PLA2R1: variants seen among roughly 807,000 people sequenced by gnomAD.
The protein encoded by PLA2R1 is secretory phospholipase A2 receptor.
Under a neutral mutation model 195.9 loss-of-function variants are expected in PLA2R1, and 158 were observed. The observed-to-expected ratio is 0.81, with a 90% CI of 0.71 to 0.92. PLA2R1 has a LOEUF of 0.92. PLA2R1 is among the 40% of genes least tolerant of loss of function. PLA2R1 has a pLI of 0.00. For synonymous variants in PLA2R1, 586 were observed against 598.2 expected (o/e 0.98, Z 0.30); for missense variants, 1,626 against 1,764.6 (o/e 0.92, Z 1.41).
Position 160,013,695 on chromosome 2 carries a change from CTCTCTCTG to C in PLA2R1, c.1552-328_1552-321del, listed in dbSNP as rs750857574. Among the ~76,000 whole-genome samples, 1,291 of 140,116 alleles carry C rather than the reference CTCTCTCTG, an allele frequency of 9.2e-3. 3 individuals carry two copies. The highest frequency in any genetic ancestry group is 0.019 in the African/African-American group (690 of 37,020). 91.9% of individuals were successfully genotyped at this position (140,116 alleles called of 152,430 possible). A position where few individuals can be genotyped will look rare whatever the true frequency, so the allele number is the denominator to read the frequency against. ...TCTCTTTCTCTCTCTCTCTCTCTCT[CTCTCTCTG>C]TCTCTCTCTCTCTCTCTCTGTGTGT... is the stretch of plus-strand genomic sequence containing the variant. On this transcript the variant is annotated intron_variant, in intron 9 of 29. Transcript: ENST00000283243.
At chr2:160,039,933 TAAG>T (rs1469538869) in intron 3 of PLA2R1, among the ~76,000 whole-genome samples, 2 of 147,786 alleles carry the variant, frequency 1.4e-5, no homozygotes, top group East Asian at 3.9e-4. Flanking sequence ...TTCAGAACCT[TAAG>T]AAGAATATTG....
At chr2:159,970,039 G>T in intron 18 of PLA2R1, 109 bp downstream of exon 18, 1 of 677,280 alleles carries the variant, frequency 1.5e-6, no homozygotes, top group Middle Eastern at 2.9e-4. Flanking sequence ...AAATTTATAA[G>T]TTAATGTTTG....
chr2:160,002,974 C>CT (rs1202415245), intron 11 of PLA2R1, among the ~76,000 whole-genome samples: 1 of 152,006 alleles, frequency 6.6e-6, no homozygotes, highest in Non-Finnish European at 1.5e-5. Flanking sequence ...CTCTTTTCAG[C>CT]TACATTGATT....
rs1687014596 is a variant in PLA2R1 at position 159,939,919 on chromosome 2, A to G, written c.*1859T>C. Reference sequence around the variant, plus strand: ...GTCATAAATATGCAACTGCCACATAATATAATATCTTTTAAAAAATGAAGT... The same window carrying G: ...GTCATAAATATGCAACTGCCACATAGTATAATATCTTTTAAAAAATGAAGT... On this transcript the variant is annotated 3_prime_UTR_variant, in exon 30 of 30. Coordinates refer to ENST00000283243, the MANE Select transcript of PLA2R1 (RefSeq NM_007366.5). The G allele has an allele frequency of 2.0e-5, 3 of 152,200 alleles. No individual in the cohort carries two copies. The South Asian group carries it at 6.2e-4, about 31-fold the overall frequency. 9.4% of individuals were successfully genotyped at this position (152,200 alleles called of 1,614,324 possible).
Position 159,933,024 on chromosome 2 carries a change from A to G in PLA2R1, c.*8754T>C, listed in dbSNP as rs1449993202. The G allele has an allele frequency of 4.6e-5, 7 of 151,544 alleles. No homozygotes were observed. The allele number at this position is 151,544 out of a possible 1,614,324, so 9.4% of individuals were successfully genotyped here. A position where few individuals can be genotyped will look rare whatever the true frequency, so the allele number is the denominator to read the frequency against. On this transcript the variant is annotated 3_prime_UTR_variant, in exon 30 of 30. Coordinates refer to ENST00000283243, the MANE Select transcript of PLA2R1 (RefSeq NM_007366.5). ...CTTTTTTTTTTTTTGAAGAAAAAAGATGGTATTGCTATTCATAATTACAAG... is the reference window on the plus strand; with the variant it reads ...CTTTTTTTTTTTTTGAAGAAAAAAGGTGGTATTGCTATTCATAATTACAAG...
chr2:160,058,528 C>T (rs1695725113), intron 1 of PLA2R1, among the ~76,000 whole-genome samples: 1 of 151,938 alleles, frequency 6.6e-6, no homozygotes, highest in East Asian at 1.9e-4. Context: ...TATCATTTTT[C>T]AACCCTCAAC....
At chr2:160,016,262 T>TC (rs1480558494) in intron 9 of PLA2R1, among the ~76,000 whole-genome samples, 1 of 37,890 alleles carries the variant, frequency 2.6e-5, no homozygotes, top group Non-Finnish European at 6.7e-5. Context: ...AGACTCTGTC[T>TC]CAAAAAAAAA....
intron 1 of PLA2R1, among the ~76,000 whole-genome samples, chr2:160,055,419 T>G (rs1695472044): frequency 6.6e-6 from 1 of 152,186 alleles, no homozygotes; most frequent in African/African-American, 2.4e-5. Flanking sequence ...ACATCAGAAT[T>G]GCCTAGAACA....
intron 17 of PLA2R1, among the ~76,000 whole-genome samples, chr2:159,975,763 G>A (rs942773297): frequency 2.0e-5 from 3 of 152,096 alleles, no homozygotes; most frequent in Admixed American, 6.6e-5. Flanking sequence ...AGTTCTACCA[G>A]TGATTAAATG....
intron 1 of PLA2R1, among the ~76,000 whole-genome samples, chr2:160,048,933 C>T (rs1184847918): frequency 1.3e-5 from 2 of 150,174 alleles, no homozygotes; most frequent in Admixed American, 6.6e-5. Flanking sequence ...CTCCGCCTCC[C>T]GGGTTCACGC....
intron 3 of PLA2R1, among the ~76,000 whole-genome samples, chr2:160,034,328 T>C (rs1355462510): frequency 1.3e-5 from 2 of 152,052 alleles, no homozygotes; most frequent in Admixed American, 1.3e-4. Flanking sequence ...CTGATACATG[T>C]GTTTATAGAA....
intron 7 of PLA2R1, among the ~76,000 whole-genome samples, chr2:160,022,305 G>A (rs1396692519): frequency 6.6e-6 from 1 of 151,544 alleles, no homozygotes; most frequent in Admixed American, 6.6e-5. Context: ...TTGCCTAAGG[G>A]GTTCCCTTTA....
intron 6 of PLA2R1, among the ~76,000 whole-genome samples, chr2:160,023,567 G>T (rs946321389): frequency 6.6e-6 from 1 of 152,196 alleles, no homozygotes; most frequent in South Asian, 2.1e-4. Context: ...TCTACCCCTT[G>T]TTTAGCATAT....
chr2:159,985,372 A>T lies in PLA2R1; in HGVS notation c.2038-1299T>A, dbSNP rs188786637. ...TCTTCATTCTGCTCTGCCTGTGCAG[A>T]GATGCTGGGGAACTTTTCCCCAAGA... On this transcript the variant is annotated intron_variant, in intron 12 of 29. Coordinates refer to ENST00000283243, the MANE Select transcript of PLA2R1 (RefSeq NM_007366.5). Among the ~76,000 whole-genome samples, 423 of 152,344 alleles carry T rather than the reference A, an allele frequency of 2.8e-3. 1 individual carries two copies. Among genetic ancestry groups the T allele is most frequent in the African/African-American group, 9.9e-3 (411 of 41,578 alleles).
chr2:159,970,127 C>T, intron 18 of PLA2R1, 21 bp downstream of exon 18: 2 of 1,521,088 alleles, frequency 1.3e-6, no homozygotes, highest in Non-Finnish European at 1.8e-6. Flanking sequence ...AAATTAAATG[C>T]AAATGAATCT....
At chr2:159,930,512 C>A (rs1002279790), downstream of PLA2R1, among the ~76,000 whole-genome samples, 1 of 152,084 alleles carries the variant, frequency 6.6e-6, no homozygotes, top group Non-Finnish European at 1.5e-5. Context: ...CTCATGTAAC[C>A]AAACACCACC....
At chr2:159,947,245 T>C (rs573568628) in intron 26 of PLA2R1, among the ~76,000 whole-genome samples, 174 bp downstream of exon 26, 1 of 152,342 alleles carries the variant, frequency 6.6e-6, no homozygotes, top group Non-Finnish European at 1.5e-5. Context: ...CATTGTTTCA[T>C]ATAGTAGCTG....
chr2:160,038,848 T>A (rs1694336693), intron 3 of PLA2R1, among the ~76,000 whole-genome samples: 1 of 152,042 alleles, frequency 6.6e-6, no homozygotes, highest in Non-Finnish European at 1.5e-5. Context: ...TGCTTGTTTG[T>A]CTTTTTTGTG....
Position 159,946,189 on chromosome 2 carries a change from T to G in PLA2R1, c.3967+612A>C, listed in dbSNP as rs1224967577. The G allele has an allele frequency of 4.6e-6, 4 of 878,680 alleles. No individual in the cohort carries two copies. The African/African-American group carries it at 7.3e-5, about 16-fold the overall frequency. The allele number at this position is 878,680 out of a possible 1,614,324, so 54.4% of individuals were successfully genotyped here. On this transcript the variant is annotated intron_variant, in intron 27 of 29. Coordinates refer to ENST00000283243, the MANE Select transcript of PLA2R1 (RefSeq NM_007366.5). ...GTTGGTCTGCTTTTTATTATCACCA[T>G]CTGCTTGAAATTCTAAACAATGTTG...
Sources: allele counts gnomAD v4.1 joint callset (sites outside exome capture counted in the v4.1 genomes callset), GRCh38; gene constraint gnomAD v4.1.1; transcripts MANE v1.5; gene names NCBI Gene and HGNC (gene_info 2026-07-23, HGNC 2026-07-21).